The following SCUBE1 variants were observed in gnomAD, a reference collection of about 807,000 sequenced individuals.
The protein encoded by SCUBE1 is signal peptide, CUB domain and EGF like domain containing 1, also known as signal peptide, CUB and EGF-like domain-containing protein 1.
SCUBE1 carries 59 observed loss-of-function variants against 124.4 expected under a neutral mutation model. That is an observed-to-expected ratio of 0.47 (90% CI 0.38 to 0.59). SCUBE1 has a LOEUF of 0.59. SCUBE1 is among the 20% of genes least tolerant of loss of function. SCUBE1 has a pLI of 0.00. For missense variants in SCUBE1, 1,150 were observed against 1,371.2 expected (o/e 0.84, Z 2.55); for synonymous variants, 545 against 550.9 (o/e 0.99, Z 0.15).
At position 43,231,826 on chromosome 22, in the gene SCUBE1, G is replaced by A; in HGVS notation, c.894C>T (p.Arg298=). Residue 298 remains arginine (R), a synonymous_variant, in exon 8 of 22, where the codon CGC becomes CGT. Transcript: ENST00000360835. ...CGCACTCGAAGCTGCCCACGGTGTT[G>A]CGGCAGAAGTGGTCGCAGCCTCCGT... ...VNNGGCDHFC[R]NTVGSFECGC... 1 of 1,613,496 alleles carries A rather than the reference G, an allele frequency of 6.2e-7. No homozygotes were observed. Among genetic ancestry groups the A allele is most frequent in the Non-Finnish European group, 8.5e-7 (1 of 1,179,890 alleles).
intron 3 of SCUBE1, among the ~76,000 whole-genome samples, chr22:43,297,668 G>A (rs547064377): frequency 5.3e-5 from 8 of 152,342 alleles, no homozygotes; most frequent in East Asian, 3.9e-4. Flanking sequence ...CAGTTTCCCC[G>A]GGAGGTGTGC....
intron 2 of SCUBE1, among the ~76,000 whole-genome samples, chr22:43,323,392 C>T (rs1192259708): frequency 6.6e-6 from 1 of 152,166 alleles, no homozygotes; most frequent in African/African-American, 2.4e-5. Context: ...TTCCATTTAT[C>T]TATTTGTGCT....
intron 7 of SCUBE1, among the ~76,000 whole-genome samples, chr22:43,236,792 C>T (rs1922781364): frequency 6.6e-6 from 1 of 152,210 alleles, no homozygotes; most frequent in African/African-American, 2.4e-5. Flanking sequence ...ACTCAATTAT[C>T]TCAGTGATTT....
intron 4 of SCUBE1, chr22:43,270,425 G>C (rs1438655034): frequency 1.3e-5 from 2 of 152,250 alleles, no homozygotes; most frequent in Non-Finnish European, 2.9e-5. Flanking sequence ...TAAGGTGAGG[G>C]GGCTGAACCC....
intron 3 of SCUBE1, among the ~76,000 whole-genome samples, chr22:43,304,516 G>C (rs1450831351): frequency 1.6e-5 from 1 of 62,212 alleles, no homozygotes; most frequent in African/African-American, 7.5e-5. Flanking sequence ...AACCCAGGCA[G>C]AGAGCGTCTC....
At chr22:43,212,957 C>A (rs1390470147) in intron 16 of SCUBE1, among the ~76,000 whole-genome samples, 2 of 152,088 alleles carry the variant, frequency 1.3e-5, no homozygotes, top group East Asian at 3.9e-4. Flanking sequence ...TAGGCTGCAC[C>A]GGGGTCTCCG....
intron 4 of SCUBE1, chr22:43,281,837 C>T (rs1489183569): frequency 6.5e-6 from 1 of 153,796 alleles, no homozygotes; most frequent in Non-Finnish European, 1.4e-5. Flanking sequence ...CCTTCACTGT[C>T]ACGGCACAGT....
chr22:43,308,305 C>T lies in SCUBE1; in HGVS notation c.349+11632G>A, dbSNP rs183303951. Among the ~76,000 whole-genome samples the T allele has an allele frequency of 1.8e-4, 28 of 152,222 alleles. No homozygotes were observed. The East Asian group carries it at 5.4e-3, about 29-fold the overall frequency. On this transcript the variant is annotated intron_variant, in intron 3 of 21. Transcript: ENST00000360835. ...CCTCCAACTGAGCGTGTTTAGAGCA[C>T]CTGAAAGTGGGCCAAGAATGGGAAA...
At chr22:43,227,536 C>G (rs372211639) in intron 9 of SCUBE1, 40 bp from the exon 10 acceptor site, 1 of 1,591,454 alleles carries the variant, frequency 6.3e-7, no homozygotes, top group South Asian at 1.1e-5. Flanking sequence ...GGGAGGCTGG[C>G]GGCTGGCGGC....
At chr22:43,253,423 G>A (rs1254403869) in intron 6 of SCUBE1, among the ~76,000 whole-genome samples, 2 of 152,176 alleles carry the variant, frequency 1.3e-5, no homozygotes, top group Non-Finnish European at 2.9e-5. Flanking sequence ...GCTTCGTGTT[G>A]GAGGAAACCA....
At chr22:43,253,938 G>A (rs1386286563) in intron 6 of SCUBE1, among the ~76,000 whole-genome samples, 6 of 152,164 alleles carry the variant, frequency 3.9e-5, no homozygotes, top group African/African-American at 1.4e-4. Context: ...GAACACTGAC[G>A]ACTCTGGGGC....
At chr22:43,267,947 C>T (rs1924138758) in intron 4 of SCUBE1, among the ~76,000 whole-genome samples, 1 of 152,208 alleles carries the variant, frequency 6.6e-6, no homozygotes, top group Admixed American at 6.5e-5. Context: ...GTGCTGGGTT[C>T]CAAGCCCTTC....
At chr22:43,245,507 CCT>C (rs1276297594) in intron 6 of SCUBE1, among the ~76,000 whole-genome samples, 1 of 152,094 alleles carries the variant, frequency 6.6e-6, no homozygotes, top group African/African-American at 2.4e-5. Flanking sequence ...AGGCTGCAGC[CCT>C]GACAAGGAAG....
rs1920949701 is a variant in SCUBE1 at position 43,197,329 on chromosome 22, A to C, written c.*6668T>G. On this transcript the variant is annotated 3_prime_UTR_variant, in exon 22 of 22. Coordinates refer to ENST00000360835, the MANE Select transcript of SCUBE1 (RefSeq NM_173050.5). ...TTAAAGTGATTTTCACAAATGTTTC[A>C]TTACATGCATATGGGGGACATGATG... 6.6e-6 allele frequency: 1 copy of C among 152,244 alleles called. No individual in the cohort carries two copies. Among genetic ancestry groups the C allele is most frequent in the Admixed American group, 6.5e-5 (1 of 15,284 alleles). 9.4% of individuals were successfully genotyped at this position (152,244 alleles called of 1,614,324 possible).
intron 4 of SCUBE1, among the ~76,000 whole-genome samples, chr22:43,277,334 A>C (rs1924568781): frequency 6.6e-6 from 1 of 152,008 alleles, no homozygotes; most frequent in Admixed American, 6.5e-5. Flanking sequence ...TGACAGAGCC[A>C]GAGGGTTGGG....
intron 2 of SCUBE1, among the ~76,000 whole-genome samples, chr22:43,326,286 C>T (rs1311625381): frequency 6.6e-6 from 1 of 152,178 alleles, no homozygotes; most frequent in South Asian, 2.1e-4. Context: ...CACGTCCTCT[C>T]CTTTGTCTGG....
intron 14 of SCUBE1, among the ~76,000 whole-genome samples, chr22:43,218,705 T>C (rs1324707118): frequency 6.6e-6 from 1 of 152,226 alleles, no homozygotes; most frequent in Non-Finnish European, 1.5e-5. Flanking sequence ...CAGCTGCCAC[T>C]GCACCACATC....
chr22:43,341,325 C>T (rs1349871903), intron 1 of SCUBE1, among the ~76,000 whole-genome samples: 4 of 152,186 alleles, frequency 2.6e-5, no homozygotes, highest in African/African-American at 9.7e-5. Flanking sequence ...GGACACTGTG[C>T]AGGACTGGCA....
At chr22:43,243,651 T>C (rs1244494063) in intron 6 of SCUBE1, among the ~76,000 whole-genome samples, 6 of 152,206 alleles carry the variant, frequency 3.9e-5, no homozygotes, top group Admixed American at 3.3e-4. Flanking sequence ...GTGGTGGACA[T>C]TAAGGGACAG....
Sources: gnomAD v4.1 joint callset for allele counts (sites outside exome capture counted in the v4.1 genomes callset) on GRCh38, gnomAD v4.1.1 for gene constraint, MANE v1.5 for transcripts, NCBI Gene and HGNC (gene_info 2026-07-23, HGNC 2026-07-21) for gene names.